Variants in TP53AIP1 observed in about 807,000 individuals in gnomAD.
TP53AIP1 encodes the protein p53-regulated apoptosis-inducing protein 1.
A neutral mutation model predicts 9.5 loss-of-function variants in TP53AIP1; 14 were observed. That is an observed-to-expected ratio of 1.47 (90% CI 0.97 to 2.30). TP53AIP1 has a LOEUF of 2.30. TP53AIP1 is among the 30% of genes most tolerant of loss of function. The pLI is 0.00. For missense variants in TP53AIP1, 153 were observed against 146.7 expected (o/e 1.04, Z -0.22); for synonymous variants, 73 against 61.2 (o/e 1.19, Z -0.90).
Position 128,937,610 on chromosome 11 carries a change from T to C in TP53AIP1, c.141+68A>G, listed in dbSNP as rs1944854331. On this transcript the variant is annotated intron_variant, in intron 2 of 3. Coordinates refer to ENST00000531399, the MANE Select transcript of TP53AIP1 (RefSeq NM_022112.3). The surrounding 1 kb of genome is among the most constrained non-coding windows in gnomAD (Gnocchi z 4.8). Reference sequence around the variant, plus strand: ...AAAACTTGGGATGTCGGCACCACGGTGAGAGCAGAGTCTGCCCGGGGCTGT... The same window carrying C: ...AAAACTTGGGATGTCGGCACCACGGCGAGAGCAGAGTCTGCCCGGGGCTGT... The C allele has an allele frequency of 6.2e-7, 1 of 1,614,084 alleles. No individual in the cohort carries two copies. The highest frequency in any genetic ancestry group is 8.5e-7 in the Non-Finnish European group (1 of 1,180,004).
At chr11:128,935,117 G>A (rs1944785307), downstream of TP53AIP1, 1 of 713,750 alleles carries the variant, frequency 1.4e-6, no homozygotes, top group Non-Finnish European at 2.5e-6. Flanking sequence ...AGGAATGACT[G>A]TCCACTGCAG....
At chr11:128,938,737 A>C (rs891506455) in intron 1 of TP53AIP1, among the ~76,000 whole-genome samples, 1 of 152,148 alleles carries the variant, frequency 6.6e-6, no homozygotes, top group Non-Finnish European at 1.5e-5. Flanking sequence ...CAGCCTATCC[A>C]TGACCTCCAG....
In TP53AIP1 at chr11:128,937,249, C is replaced by A; in HGVS notation, c.141+429G>T. 7.9e-7 allele frequency: 1 copy of A among 1,272,326 alleles called. No individual in the cohort carries two copies. Among genetic ancestry groups the A allele is most frequent in the Non-Finnish European group, 9.9e-7 (1 of 1,009,542 alleles). 78.8% of individuals were successfully genotyped at this position (1,272,326 alleles called of 1,614,324 possible). On this transcript the variant is annotated intron_variant, in intron 2 of 3. Coordinates refer to ENST00000531399, the MANE Select transcript of TP53AIP1 (RefSeq NM_022112.3). This position sits in a 1 kb window ranked among gnomAD's most constrained non-coding sequence, Gnocchi z 4.8. ...GCTCCGAGGCCCATCTGGACAAAAG[C>A]AGGATCCGGGGTGGACGCAGAAGAG...
chr11:128,935,730 G>A lies in TP53AIP1; in HGVS notation c.254-18C>T, dbSNP rs1323788969. 1.9e-6 allele frequency: 3 copies of A among 1,540,456 alleles called. No homozygotes were observed. The highest frequency in any genetic ancestry group is 2.4e-5 in the East Asian group (1 of 42,402). The stretch of plus-strand genomic sequence containing the variant: ...ACCAAGGCCTCAGTAGGGAGGGAGA[G>A]AATTTACTCTTTGCAAAACGTATGG... On this transcript the variant is annotated intron_variant, in intron 3 of 3. Coordinates refer to ENST00000531399, the MANE Select transcript of TP53AIP1 (RefSeq NM_022112.3).
At chr11:128,942,535 G>A (rs578069826) in intron 1 of TP53AIP1, among the ~76,000 whole-genome samples, 1 of 152,266 alleles carries the variant, frequency 6.6e-6, no homozygotes, top group South Asian at 2.1e-4. Context: ...AACCTGCATC[G>A]ACCAAGTCAG....
At chr11:128,941,034 G>GGCAGCCAGAAGGGCAGGGGT (rs1264644983) in intron 1 of TP53AIP1, among the ~76,000 whole-genome samples, 6 of 152,222 alleles carry the variant, frequency 3.9e-5, no homozygotes, top group South Asian at 2.1e-4. Context: ...GAGAAGGGAG[G>GGCAGCCAGAAGGGCAGGGGT]GCAGCCAGAA....
chr11:128,942,334 T>C (rs140543525), intron 1 of TP53AIP1, among the ~76,000 whole-genome samples: 127 of 152,320 alleles, frequency 8.3e-4, no homozygotes, highest in African/African-American at 3.0e-3. Context: ...GAGGCCACCA[T>C]GCCGCCGTTC....
intron 2 of TP53AIP1, chr11:128,936,967 G>A: frequency 1.8e-6 from 2 of 1,130,482 alleles, no homozygotes; most frequent in African/African-American, 1.6e-5. Flanking sequence ...GCACACCTGG[G>A]CCCTGCACCT....
rs984488015 is a variant in TP53AIP1 at position 128,939,458 on chromosome 11, G to C, written c.-76-1564C>G. ...ATAGAAGGCGTGAGGTGAAGAGTTT[G>C]AGCTGGTGCCTACACCTCCGTCTTC... On this transcript the variant is annotated intron_variant, in intron 1 of 3. Transcript: ENST00000531399. The surrounding 1 kb of genome is among the most constrained non-coding windows in gnomAD (Gnocchi z 4.1). Among the ~76,000 whole-genome samples, 4 of 152,200 alleles carry C rather than the reference G, an allele frequency of 2.6e-5. No homozygotes were observed. The highest frequency in any genetic ancestry group is 1.9e-4 in the East Asian group (1 of 5,202).
At chr11:128,941,816 C>A (rs185924010) in intron 1 of TP53AIP1, among the ~76,000 whole-genome samples, 2 of 152,232 alleles carry the variant, frequency 1.3e-5, no homozygotes, top group Non-Finnish European at 2.9e-5. Context: ...GCCGCCCCCA[C>A]CCACCTTCCC....
chr11:128,942,720 AAGCAGAG>A (rs939772211), intron 1 of TP53AIP1, 67 bp downstream of exon 1: 4 of 152,360 alleles, frequency 2.6e-5, no homozygotes, highest in African/African-American at 9.7e-5. Flanking sequence ...CCCAAGCACA[AAGCAGAG>A]TGAATCGCAG....
downstream of TP53AIP1, chr11:128,935,254 C>T (rs1944788836): frequency 7.0e-7 from 1 of 1,430,184 alleles, no homozygotes; most frequent in South Asian, 1.5e-5. Context: ...TCGGGCGTGC[C>T]ATAGCTGTGA....
rs779018599 is a variant in TP53AIP1 at position 128,937,627 on chromosome 11, C to A, written c.141+51G>T. 2 of 1,613,990 alleles carry A rather than the reference C, an allele frequency of 1.2e-6. No individual in the cohort carries two copies. The highest frequency in any genetic ancestry group is 3.3e-5 in the Admixed American group (2 of 60,000). On this transcript the variant is annotated intron_variant, in intron 2 of 3. Coordinates refer to ENST00000531399, the MANE Select transcript of TP53AIP1 (RefSeq NM_022112.3). The surrounding 1 kb of genome is among the most constrained non-coding windows in gnomAD (Gnocchi z 4.8). Reference sequence around the variant, plus strand: ...CACCACGGTGAGAGCAGAGTCTGCCCGGGGCTGTGGCAGGCAAAAGACCGT... The same window carrying A: ...CACCACGGTGAGAGCAGAGTCTGCCAGGGGCTGTGGCAGGCAAAAGACCGT...
rs1045821426 is a variant in TP53AIP1 at position 128,937,266 on chromosome 11, G to T, written c.141+412C>A. ...GACAAAAGCAGGATCCGGGGTGGAC[G>T]CAGAAGAGCAGGCCCGGAGCCCTGC... On this transcript the variant is annotated intron_variant, in intron 2 of 3. Coordinates refer to ENST00000531399, the MANE Select transcript of TP53AIP1 (RefSeq NM_022112.3). The surrounding 1 kb of genome is among the most constrained non-coding windows in gnomAD (Gnocchi z 4.8). 1 of 1,301,548 alleles carries T rather than the reference G, an allele frequency of 7.7e-7. No individual in the cohort carries two copies. 80.6% of individuals were successfully genotyped at this position (1,301,548 alleles called of 1,614,324 possible). A position where few individuals can be genotyped will look rare whatever the true frequency, so the allele number is the denominator to read the frequency against.
chr11:128,937,189 C>T lies in TP53AIP1; in HGVS notation c.141+489G>A. On this transcript the variant is annotated intron_variant, in intron 2 of 3. Transcript: ENST00000531399. The surrounding 1 kb of genome is among the most constrained non-coding windows in gnomAD (Gnocchi z 4.8). ...CCGAGTGCGTCATCTTCATTATTGG[C>T]CACAGGAAACGACTTCTTGGAGTAA... The T allele has an allele frequency of 6.0e-6, 7 of 1,158,610 alleles. No individual in the cohort carries two copies. Among genetic ancestry groups the T allele is most frequent in the Non-Finnish European group, 5.3e-6 (5 of 938,924 alleles). The allele number at this position is 1,158,610 out of a possible 1,614,324, so 71.8% of individuals were successfully genotyped here.
chr11:128,937,723 C>G lies in TP53AIP1; in HGVS notation c.96G>C (p.Ser32=). ...QGLGRGDQNL[S]VMPPNGRAQT... is the part of the protein sequence containing the mutation. ...GAGCCCTGCCATTCGGAGGCATCACCGAGAGGTTCTGGTCTCCCCTGCCCA... is the reference window on the plus strand; with the variant it reads ...GAGCCCTGCCATTCGGAGGCATCACGGAGAGGTTCTGGTCTCCCCTGCCCA... Residue 32 remains serine (S), a synonymous_variant, in exon 2 of 4, where the codon TCG becomes TCC. Coordinates refer to ENST00000531399, the MANE Select transcript of TP53AIP1 (RefSeq NM_022112.3). The surrounding 1 kb of genome is among the most constrained non-coding windows in gnomAD (Gnocchi z 4.8). 2 of 1,614,168 alleles carry G rather than the reference C, an allele frequency of 1.2e-6. No individual in the cohort carries two copies. The highest frequency in any genetic ancestry group is 1.7e-6 in the Non-Finnish European group (2 of 1,180,030).
In TP53AIP1 at chr11:128,939,503, T is replaced by A. The variant is rs1944900928; in HGVS notation, c.-76-1609A>T. 6.6e-6 allele frequency among the ~76,000 whole-genome samples: 1 copy of A among 152,076 alleles called. No homozygotes were observed. The highest frequency in any genetic ancestry group is 2.4e-5 in the African/African-American group (1 of 41,406). The stretch of plus-strand genomic sequence containing the variant: ...GTCTTCCAGCCACTGAAAACAGGAT[T>A]CTCCAGAGTTCACACCTATGCATCT... On this transcript the variant is annotated intron_variant, in intron 1 of 3. Coordinates refer to ENST00000531399, the MANE Select transcript of TP53AIP1 (RefSeq NM_022112.3). The surrounding 1 kb of genome is among the most constrained non-coding windows in gnomAD (Gnocchi z 4.1).
chr11:128,935,526 G>GTTT lies in TP53AIP1; in HGVS notation c.*62_*64dup. 6.6e-7 allele frequency: 1 copy of GTTT among 1,513,548 alleles called. No individual in the cohort carries two copies. Among genetic ancestry groups the GTTT allele is most frequent in the Non-Finnish European group, 8.8e-7 (1 of 1,136,502 alleles). The allele number at this position is 1,513,548 out of a possible 1,614,324, so 93.8% of individuals were successfully genotyped here. A position where few individuals can be genotyped will look rare whatever the true frequency, so the allele number is the denominator to read the frequency against. The stretch of plus-strand genomic sequence containing the variant: ...GACGGTGCTTTCTGTTTGTTTGTTT[G>GTTT]TTTTTGTTTTGAGATGGAGTCTCTC... On this transcript the variant is annotated 3_prime_UTR_variant, in exon 4 of 4. Coordinates refer to ENST00000531399, the MANE Select transcript of TP53AIP1 (RefSeq NM_022112.3).
At chr11:128,935,138 C>T (rs895246322), downstream of TP53AIP1, 1 of 759,700 alleles carries the variant, frequency 1.3e-6, no homozygotes, top group Admixed American at 2.0e-5. Context: ...CTGGGGGACA[C>T]CCAGCGGGGG....
Sources: allele counts gnomAD v4.1 joint callset (sites outside exome capture counted in the v4.1 genomes callset), GRCh38; gene constraint gnomAD v4.1.1; non-coding constraint Gnocchi (gnomAD v3.1); transcripts MANE v1.5; gene names NCBI Gene and HGNC (gene_info 2026-07-23, HGNC 2026-07-21).